Variants in PALLD observed in about 807,000 individuals in gnomAD.
PALLD encodes the protein palladin, cytoskeletal associated protein.
PALLD carries 61 observed loss-of-function variants against 123.5 expected under a neutral mutation model. The ratio of observed to expected loss-of-function variants is 0.49; its 90% CI spans 0.40 to 0.61. PALLD has a LOEUF of 0.61. Among genes scored for constraint, PALLD ranks in the 20% least tolerant of loss-of-function variants. PALLD has a pLI of 0.00. For missense variants in PALLD, 1,273 were observed against 1,377.0 expected (o/e 0.92, Z 1.20); for synonymous variants, 465 against 496.4 (o/e 0.94, Z 0.84).
chr4:168,791,019 T>A (rs1737439798), intron 10 of PALLD, among the ~76,000 whole-genome samples: 1 of 152,168 alleles, frequency 6.6e-6, no homozygotes, highest in African/African-American at 2.4e-5. Flanking sequence ...CATATCCCTA[T>A]GTTATAACAG....
chr4:168,877,800 C>T (rs996901823), intron 10 of PALLD: 2 of 1,238,890 alleles, frequency 1.6e-6, no homozygotes, highest in South Asian at 6.3e-5. Flanking sequence ...CCTCCGCCAG[C>T]CCCGCGCAGC....
chr4:168,625,989 T>C (rs982907047), intron 2 of PALLD, among the ~76,000 whole-genome samples: 2 of 151,978 alleles, frequency 1.3e-5, no homozygotes, highest in Admixed American at 1.3e-4. Context: ...GGCTAATAGA[T>C]AAAGAAAAAG....
intron 2 of PALLD, chr4:168,647,951 C>T (rs1580752400): frequency 6.6e-6 from 1 of 152,014 alleles, no homozygotes; most frequent in Non-Finnish European, 1.5e-5. Flanking sequence ...AAATATTTTC[C>T]TTATTTATCC....
chr4:168,916,684 CTT>C (rs545906704), intron 17 of PALLD, among the ~76,000 whole-genome samples: 3 of 136,458 alleles, frequency 2.2e-5, no homozygotes, highest in African/African-American at 5.4e-5. Context: ...TTTTCTAATT[CTT>C]TTTTTTTTTT....
chr4:168,721,920 CT>C (rs1270243810), intron 10 of PALLD, among the ~76,000 whole-genome samples: 1 of 152,210 alleles, frequency 6.6e-6, no homozygotes, highest in Non-Finnish European at 1.5e-5. Context: ...TCCAAAATAA[CT>C]TTACTCCTCC....
chr4:168,691,875 T>C (rs1364031700), intron 8 of PALLD, among the ~76,000 whole-genome samples: 1 of 152,196 alleles, frequency 6.6e-6, no homozygotes, highest in Non-Finnish European at 1.5e-5. Flanking sequence ...TCCAGGAGCC[T>C]CGGGCCTAGC....
intron 2 of PALLD, among the ~76,000 whole-genome samples, chr4:168,620,239 G>A (rs373734820): frequency 6.6e-6 from 1 of 152,146 alleles, no homozygotes. Context: ...GGTGGATCAC[G>A]AGGTCAGGAG....
chr4:168,682,336 T>A (rs1319896372), intron 4 of PALLD, among the ~76,000 whole-genome samples: 1 of 152,164 alleles, frequency 6.6e-6, no homozygotes, highest in Non-Finnish European at 1.5e-5. Flanking sequence ...GCTTAAAGGA[T>A]CTTCTAAGGT....
intron 10 of PALLD, among the ~76,000 whole-genome samples, chr4:168,835,297 A>G (rs1446883281): frequency 6.6e-6 from 1 of 152,248 alleles, no homozygotes; most frequent in Non-Finnish European, 1.5e-5. Context: ...ATAATCTTCT[A>G]CAAGTAAATG....
chr4:168,727,696 G>C (rs1272877968), intron 10 of PALLD, among the ~76,000 whole-genome samples: 1 of 152,130 alleles, frequency 6.6e-6, no homozygotes, highest in African/African-American at 2.4e-5. Flanking sequence ...TTGCTGTACA[G>C]AAGTTCTTTA....
intron 2 of PALLD, among the ~76,000 whole-genome samples, chr4:168,534,760 G>A (rs918849227): frequency 1.3e-5 from 2 of 152,122 alleles, no homozygotes; most frequent in South Asian, 2.1e-4. Context: ...GACAGCCACA[G>A]GGGCACCAAT....
At chr4:168,791,341 G>A (rs1737495654) in intron 10 of PALLD, among the ~76,000 whole-genome samples, 1 of 152,142 alleles carries the variant, frequency 6.6e-6, no homozygotes, top group Admixed American at 6.5e-5. Context: ...TTTTCACACT[G>A]CTATAAAGAA....
chr4:168,686,183 C>G (rs549804154), intron 6 of PALLD, among the ~76,000 whole-genome samples: 11 of 152,222 alleles, frequency 7.2e-5, no homozygotes, highest in African/African-American at 2.4e-4. Flanking sequence ...AAAATTCTAG[C>G]AGCTTCCTGG....
At chr4:168,908,278 A>G (rs1758226677) in intron 15 of PALLD, among the ~76,000 whole-genome samples, 1 of 152,180 alleles carries the variant, frequency 6.6e-6, no homozygotes, top group Non-Finnish European at 1.5e-5. Context: ...ATCCATTAGC[A>G]AAACAAAGTG....
intron 12 of PALLD, 33 bp from the exon 13 acceptor site, chr4:168,896,516 T>C (rs1755208456): frequency 1.6e-6 from 2 of 1,247,500 alleles, no homozygotes; most frequent in African/African-American, 3.0e-5. Flanking sequence ...ATTTCTATTA[T>C]TAGTCTTCAC....
chr4:168,728,080 C>A (rs1411141313), intron 10 of PALLD, among the ~76,000 whole-genome samples: 1 of 152,114 alleles, frequency 6.6e-6, no homozygotes, highest in Non-Finnish European at 1.5e-5. Flanking sequence ...TGTTTTTGTA[C>A]CAGTACCATG....
chr4:168,640,174 G>C lies in PALLD; in HGVS notation c.909-28016G>C, dbSNP rs145614021. Among the ~76,000 whole-genome samples, 216 of 152,280 alleles carry C rather than the reference G, an allele frequency of 1.4e-3. 1 individual carries two copies. Among genetic ancestry groups the C allele is most frequent in the Admixed American group, 2.0e-3 (31 of 15,304 alleles). On this transcript the variant is annotated intron_variant, in intron 2 of 21. Coordinates refer to ENST00000505667, the MANE Select transcript of PALLD (RefSeq NM_001166108.2). ...CGGGCCTCACTGGCTCAAGTTCAGC[G>C]TATTATCCTCATTTGGCTGGACACT... is the stretch of plus-strand genomic sequence containing the variant.
rs145228321 is a variant in PALLD at position 168,796,100 on chromosome 4, T to C, written c.1964+84177T>C. 4.8e-3 allele frequency among the ~76,000 whole-genome samples: 726 copies of C among 152,324 alleles called. 1 individual carries two copies. Among genetic ancestry groups the C allele is most frequent in the Non-Finnish European group, 8.3e-3 (567 of 68,028 alleles). On this transcript the variant is annotated intron_variant, in intron 10 of 21. Coordinates refer to ENST00000505667, the MANE Select transcript of PALLD (RefSeq NM_001166108.2). ...TTTTAAATGTACAATTAAGTTCCTA[T>C]TGACTATAGTCACCCTTTTGTGCAG...
intron 2 of PALLD, among the ~76,000 whole-genome samples, chr4:168,554,925 A>G (rs1767118869): frequency 6.6e-6 from 1 of 152,182 alleles, no homozygotes; most frequent in African/African-American, 2.4e-5. Flanking sequence ...TTATACCAAG[A>G]TACAAATTAA....
Sources: allele counts gnomAD v4.1 joint callset (sites outside exome capture counted in the v4.1 genomes callset), GRCh38; gene constraint gnomAD v4.1.1; transcripts MANE v1.5; gene names NCBI Gene and HGNC (gene_info 2026-07-23, HGNC 2026-07-21).